The following CSMD1 variants were observed in gnomAD, a reference collection of about 807,000 sequenced individuals.
CSMD1 encodes CUB and Sushi multiple domains 1, also known as CUB and sushi domain-containing protein 1.
Under a neutral mutation model 417.5 loss-of-function variants are expected in CSMD1, and 213 were observed. That is an observed-to-expected ratio of 0.51 (90% CI 0.46 to 0.57). The LOEUF is 0.57. Among genes scored for constraint, CSMD1 ranks in the 20% least tolerant of loss-of-function variants. CSMD1 has a pLI of 0.00. For synonymous variants in CSMD1, 2,862 were observed against 1,736.8 expected, an observed-to-expected ratio of 1.65 and a Z score of -16.11; for missense variants, 6,923 against 4,529.7, an observed-to-expected ratio of 1.53 and a Z score of -15.17.
intron 5 of CSMD1, among the ~76,000 whole-genome samples, chr8:3,853,514 G>C (rs1010931794): frequency 1.3e-5 from 2 of 152,100 alleles, no homozygotes; most frequent in Admixed American, 6.5e-5. Flanking sequence ...GCATCAATAT[G>C]ACTGCCTTGT....
At chr8:3,494,847 T>C (rs1354541548) in intron 10 of CSMD1, among the ~76,000 whole-genome samples, 1 of 152,168 alleles carries the variant, frequency 6.6e-6, no homozygotes, top group African/African-American at 2.4e-5. Flanking sequence ...TGAAATAGCG[T>C]AGAAAAGTAT....
chr8:3,446,015 C>T (rs1038621787), intron 12 of CSMD1, among the ~76,000 whole-genome samples: 1 of 152,158 alleles, frequency 6.6e-6, no homozygotes, highest in Non-Finnish European at 1.5e-5. Context: ...GTCAAAAATA[C>T]TGTCCCGGGC....
intron 7 of CSMD1, among the ~76,000 whole-genome samples, chr8:3,699,839 C>T (rs895987811): frequency 7.9e-5 from 12 of 152,098 alleles, no homozygotes; most frequent in African/African-American, 9.7e-5. Flanking sequence ...TCTTCCCACA[C>T]GACACACCAT....
At position 4,430,031 on chromosome 8, in the gene CSMD1, C is replaced by T. The variant is rs569611504; in HGVS notation, c.303-9966G>A. ...TGCCTTCCCACTGAAATGAAATCGA[C>T]TGCCTGAGTTTTCAGAATCAACCAG... On this transcript the variant is annotated intron_variant, in intron 2 of 69. Transcript: ENST00000635120. Among the ~76,000 whole-genome samples, 6 of 152,300 alleles carry T rather than the reference C, an allele frequency of 3.9e-5. No individual in the cohort carries two copies. The East Asian group carries it at 9.7e-4, about 25-fold the overall frequency.
At chr8:3,610,700 A>C (rs1435487797) in intron 8 of CSMD1, among the ~76,000 whole-genome samples, 2 of 151,948 alleles carry the variant, frequency 1.3e-5, no homozygotes, top group African/African-American at 4.8e-5. Context: ...TTCTTTCTTC[A>C]TATGTTCTTT....
chr8:4,066,263 G>A (rs1309083191), intron 3 of CSMD1, among the ~76,000 whole-genome samples: 1 of 152,104 alleles, frequency 6.6e-6, no homozygotes, highest in East Asian at 1.9e-4. Context: ...CTGCACCTCT[G>A]AGGTATCCCT....
intron 3 of CSMD1, among the ~76,000 whole-genome samples, chr8:4,173,303 A>C (rs1040664914): frequency 1.3e-5 from 2 of 152,178 alleles, no homozygotes; most frequent in African/African-American, 4.8e-5. Flanking sequence ...TCCAAATTGA[A>C]GTGGGAAATT....
rs141191059 is a variant in CSMD1, at chr8:3,491,000, G to C, written c.1448+2623C>G. ...TTTCAGGGGGGATAATTGGAGAAAC[G>C]TAACAATGTAAATGAAGATGCCTCT... is the stretch of plus-strand genomic sequence containing the variant. On this transcript the variant is annotated intron_variant, in intron 11 of 69. Coordinates refer to ENST00000635120, the MANE Select transcript of CSMD1 (RefSeq NM_033225.6). 1.6e-4 allele frequency among the ~76,000 whole-genome samples: 24 copies of C among 152,204 alleles called. 1 individual carries two copies. The South Asian group carries it at 3.7e-3, about 24-fold the overall frequency.
intron 3 of CSMD1, among the ~76,000 whole-genome samples, chr8:4,317,690 G>C (rs952800043): frequency 1.3e-5 from 2 of 152,116 alleles, no homozygotes; most frequent in Non-Finnish European, 2.9e-5. Flanking sequence ...TATAGACTTA[G>C]AAGTGAGGTA....
At chr8:4,148,952 AC>A (rs1796426479) in intron 3 of CSMD1, among the ~76,000 whole-genome samples, 1 of 141,638 alleles carries the variant, frequency 7.1e-6, no homozygotes, top group Non-Finnish European at 1.5e-5. Flanking sequence ...CTGTAATTAA[AC>A]ATTTCATATT....
intron 37 of CSMD1, among the ~76,000 whole-genome samples, chr8:3,168,479 G>A (rs554353394): frequency 1.3e-5 from 2 of 152,216 alleles, no homozygotes; most frequent in Admixed American, 6.5e-5. Context: ...GAACATAGGG[G>A]AAGAAAGAAA....
chr8:4,706,045 AT>A (rs5889052), intron 1 of CSMD1, among the ~76,000 whole-genome samples: 41,643 of 150,600 alleles, frequency 0.28, 6,737 homozygotes, highest in Non-Finnish European at 0.36. Context: ...AAAATATGTA[AT>A]TTTTTATATA....
chr8:3,374,463 G>A (rs1010114254), intron 18 of CSMD1, among the ~76,000 whole-genome samples: 1 of 152,098 alleles, frequency 6.6e-6, no homozygotes, highest in African/African-American at 2.4e-5. Flanking sequence ...CAAATAACTT[G>A]GTTTTAAAAC....
At chr8:3,158,407 G>A (rs77202669) in intron 38 of CSMD1, among the ~76,000 whole-genome samples, 6 of 151,980 alleles carry the variant, frequency 3.9e-5, no homozygotes, top group Non-Finnish European at 5.9e-5. Flanking sequence ...AGGTAGCTTC[G>A]GTGGTTGTCT....
At chr8:4,146,077 G>C (rs1008184123) in intron 3 of CSMD1, among the ~76,000 whole-genome samples, 1 of 150,924 alleles carries the variant, frequency 6.6e-6, no homozygotes, top group Admixed American at 6.6e-5. Flanking sequence ...GGAGGCAATT[G>C]CATGTATCTG....
At chr8:3,693,974 G>GTATGTGTGT (rs1331771981) in intron 7 of CSMD1, among the ~76,000 whole-genome samples, 1 of 150,976 alleles carries the variant, frequency 6.6e-6, no homozygotes, top group Non-Finnish European at 1.5e-5. Flanking sequence ...TGTGTGTTGG[G>GTATGTGTGT]TATGTGTGTT....
intron 2 of CSMD1, among the ~76,000 whole-genome samples, chr8:4,613,231 C>A (rs1178359821): frequency 6.6e-6 from 1 of 152,066 alleles, no homozygotes; most frequent in East Asian, 1.9e-4. Flanking sequence ...TGAGTGTGTA[C>A]AAATTGTTGT....
intron 26 of CSMD1, among the ~76,000 whole-genome samples, chr8:3,266,127 A>G (rs1801412090): frequency 6.6e-6 from 1 of 151,474 alleles, no homozygotes; most frequent in Non-Finnish European, 1.5e-5. Context: ...GTATGTGCAG[A>G]AAGCAGACCT....
chr8:3,517,782 A>T (rs10091920), intron 10 of CSMD1, among the ~76,000 whole-genome samples: 2 of 152,072 alleles, frequency 1.3e-5, no homozygotes, highest in Non-Finnish European at 2.9e-5. Flanking sequence ...AATTTGTAAC[A>T]AAAAATAACG....
Sources: gnomAD v4.1 joint callset for allele counts (sites outside exome capture counted in the v4.1 genomes callset) on GRCh38, gnomAD v4.1.1 for gene constraint, MANE v1.5 for transcripts, NCBI Gene and HGNC (gene_info 2026-07-23, HGNC 2026-07-21) for gene names.